The following RPRM variants were observed in gnomAD, a reference collection of about 807,000 sequenced individuals.
RPRM encodes the protein protein reprimo.
Under a neutral mutation model 5.2 loss-of-function variants are expected in RPRM, and 3 were observed. The observed-to-expected ratio is 0.58, with a 90% CI of 0.26 to 1.50. The LOEUF is 1.50. Among genes scored for constraint, RPRM ranks in the 40% most tolerant of loss-of-function variants. The probability of loss-of-function intolerance (pLI) is 0.13; values close to 1 mark genes in which losing one functional copy is unlikely to be tolerated. For synonymous variants in RPRM, 70 were observed against 69.9 expected (o/e 1.00, Z -0.01); for missense variants, 135 against 154.5 (o/e 0.87, Z 0.67).
At position 153,478,632 on chromosome 2, in the gene RPRM, A is replaced by T; in HGVS notation, c.-67T>A. 6.1e-6 allele frequency: 8 copies of T among 1,304,178 alleles called. No individual in the cohort carries two copies. The South Asian group carries it at 1.2e-4, about 20-fold the overall frequency. 80.8% of individuals were successfully genotyped at this position (1,304,178 alleles called of 1,614,324 possible). On this transcript the variant is annotated 5_prime_UTR_variant, in exon 1 of 1. Transcript: ENST00000325926. ...GGTGGGAAGGCGGCGGCGCTGGAGG[A>T]ACAGGTGCCGGGCTGAGCGCTCACT... is the stretch of plus-strand genomic sequence containing the variant.
At position 153,478,463 on chromosome 2, in the gene RPRM, C is replaced by G; in HGVS notation, c.103G>C (p.Val35Leu). Residue 35 changes from valine (V) to leucine (L), a missense_variant, in exon 1 of 1, where the codon GTG (valine) becomes CTG (leucine). Physicochemically the swap from Val to Leu is conservative, Grantham distance 32. Transcript: ENST00000325926. The stretch of plus-strand genomic sequence containing the variant: ...TCCGCGAAGCCGTCGTCGGTCACCA[C>G]GGACGCCTGGGTGCAGCAGCGCACG... ...RAVRCCTQAS[V>L]VTDDGFAEGG... is the part of the protein sequence containing the mutation. The G allele has an allele frequency of 1.9e-6, 3 of 1,613,670 alleles. No individual in the cohort carries two copies. The highest frequency in any genetic ancestry group is 2.5e-6 in the Non-Finnish European group (3 of 1,179,962).
rs777668554 is a variant in RPRM, at chr2:153,478,401, G to A, written c.165C>T (p.Arg55=). 58 of 1,614,052 alleles carry A rather than the reference G, an allele frequency of 3.6e-5. No homozygotes were observed. The highest frequency in any genetic ancestry group is 4.8e-5 in the Non-Finnish European group (57 of 1,180,024). The change falls in exon 1 of 1, where the codon CGC becomes CGT. Residue 55 remains arginine (R), a synonymous_variant. Coordinates refer to ENST00000325926, the MANE Select transcript of RPRM (RefSeq NM_019845.3). ...CGCACATGACCGCGATCTGCACCAC[G>A]CGCATTATGTACAGGCTACGCTCGT... ...GPDERSLYIM[R]VVQIAVMCVL... is the part of the protein sequence containing the mutation.
At position 153,478,013 on chromosome 2, in the gene RPRM, C is replaced by G. The variant is rs1407786202; in HGVS notation, c.*223G>C. 1 of 559,820 alleles carries G rather than the reference C, an allele frequency of 1.8e-6. No homozygotes were observed. Among genetic ancestry groups the G allele is most frequent in the African/African-American group, 1.9e-5 (1 of 52,768 alleles). 34.7% of individuals were successfully genotyped at this position (559,820 alleles called of 1,614,324 possible). A position where few individuals can be genotyped will look rare whatever the true frequency, so the allele number is the denominator to read the frequency against. ...CGCCCTAATCGCCCTCTTCTTGCCA[C>G]TTTCTGCTGAGTTCAGAGTCTGGGC... On this transcript the variant is annotated 3_prime_UTR_variant, in exon 1 of 1. Coordinates refer to ENST00000325926, the MANE Select transcript of RPRM (RefSeq NM_019845.3).
In RPRM at chr2:153,478,210, C is replaced by A. The variant is rs765542325; in HGVS notation, c.*26G>T. The stretch of plus-strand genomic sequence containing the variant: ...CTAGCAAAGTGGGCAGGCGTGGGAG[C>A]GGTTGCCGCGGGGGCAGAGGGCGGG... On this transcript the variant is annotated 3_prime_UTR_variant, in exon 1 of 1. Coordinates refer to ENST00000325926, the MANE Select transcript of RPRM (RefSeq NM_019845.3). 1 of 1,578,876 alleles carries A rather than the reference C, an allele frequency of 6.3e-7. No individual in the cohort carries two copies. Among genetic ancestry groups the A allele is most frequent in the Non-Finnish European group, 8.6e-7 (1 of 1,158,942 alleles).
chr2:153,478,426 T>A lies in RPRM; in HGVS notation c.140A>T (p.Asp47Val), dbSNP rs1684191681. The A allele has an allele frequency of 6.2e-7, 1 of 1,614,034 alleles. No homozygotes were observed. Among genetic ancestry groups the A allele is most frequent in the African/African-American group, 1.3e-5 (1 of 75,074 alleles). ...GCGCATTATGTACAGGCTACGCTCG[T>A]CCGGGCCTCCCTCCGCGAAGCCGTC... is the stretch of plus-strand genomic sequence containing the variant. ...TDDGFAEGGP[D>V]ERSLYIMRVV... is the part of the protein sequence containing the mutation. Residue 47 changes from aspartate to valine, a missense_variant, in exon 1 of 1, where the codon GAC becomes GTC. Asp to Val is a radical substitution (Grantham distance 152). Coordinates refer to ENST00000325926, the MANE Select transcript of RPRM (RefSeq NM_019845.3).
rs201295005 is a variant in RPRM, at chr2:153,478,276, G to T, written c.290C>A (p.Pro97Gln). 1 of 1,613,956 alleles carries T rather than the reference G, an allele frequency of 6.2e-7. No individual in the cohort carries two copies. Among genetic ancestry groups the T allele is most frequent in the South Asian group, 1.1e-5 (1 of 91,076 alleles). Residue 97 changes from proline (P) to glutamine (Q), a missense_variant, in exon 1 of 1, where the codon CCG becomes CAG. Pro to Gln is a moderately conservative substitution (Grantham distance 76). Coordinates refer to ENST00000325926, the MANE Select transcript of RPRM (RefSeq NM_019845.3). ...MINFLVKDRR[P>Q]SKEVEAVVVG... Reference sequence around the variant, plus strand: ...GACCACCGCCTCCACCTCCTTAGACGGCCTCCGGTCCTTCACGAGGAAGTT... The same window carrying T: ...GACCACCGCCTCCACCTCCTTAGACTGCCTCCGGTCCTTCACGAGGAAGTT...
rs930366547 is a variant in RPRM at position 153,478,712 on chromosome 2, G to A, written c.-147C>T. 5.9e-6 allele frequency: 4 copies of A among 683,718 alleles called. No homozygotes were observed. The highest frequency in any genetic ancestry group is 5.6e-5 in the African/African-American group (3 of 53,396). The allele number at this position is 683,718 out of a possible 1,614,324, so 42.4% of individuals were successfully genotyped here. On this transcript the variant is annotated 5_prime_UTR_variant, in exon 1 of 1. The change creates a new upstream start codon in the 5' untranslated region. Coordinates refer to ENST00000325926, the MANE Select transcript of RPRM (RefSeq NM_019845.3). ...CTCTGCTTTCGAAAGTCCCTGGGCC[G>A]TGGGAGTTTCCCAGGAGCCTCTCCG...
At position 153,478,200 on chromosome 2, in the gene RPRM, G is replaced by A; in HGVS notation, c.*36C>T. ...CACAGCCGGGCTAGCAAAGTGGGCA[G>A]GCGTGGGAGCGGTTGCCGCGGGGGC... On this transcript the variant is annotated 3_prime_UTR_variant, in exon 1 of 1. Transcript: ENST00000325926. 1.3e-6 allele frequency: 2 copies of A among 1,553,266 alleles called. No individual in the cohort carries two copies. The highest frequency in any genetic ancestry group is 1.8e-6 in the Non-Finnish European group (2 of 1,139,634).
rs1261828233 is a variant in RPRM, at chr2:153,478,598, G to A, written c.-33C>T. ...ACGGGCGGGCGCCGCGAGCGGCGCGGGTCCGAGGGGTGGGAAGGCGGCGGC... is the reference window on the plus strand; with the variant it reads ...ACGGGCGGGCGCCGCGAGCGGCGCGAGTCCGAGGGGTGGGAAGGCGGCGGC... On this transcript the variant is annotated 5_prime_UTR_variant, in exon 1 of 1. Transcript: ENST00000325926. 2.0e-6 allele frequency: 3 copies of A among 1,491,864 alleles called. No homozygotes were observed. The highest frequency in any genetic ancestry group is 1.4e-5 in the African/African-American group (1 of 71,034). The allele number at this position is 1,491,864 out of a possible 1,614,324, so 92.4% of individuals were successfully genotyped here. A position where few individuals can be genotyped will look rare whatever the true frequency, so the allele number is the denominator to read the frequency against.
Position 153,478,170 on chromosome 2 carries a change from AGG to A in RPRM, c.*64_*65del. The A allele has an allele frequency of 7.6e-7, 1 of 1,307,730 alleles. No individual in the cohort carries two copies. Among genetic ancestry groups the A allele is most frequent in the Non-Finnish European group, 1.1e-6 (1 of 937,096 alleles). 81.0% of individuals were successfully genotyped at this position (1,307,730 alleles called of 1,614,324 possible). On this transcript the variant is annotated 3_prime_UTR_variant, in exon 1 of 1. Coordinates refer to ENST00000325926, the MANE Select transcript of RPRM (RefSeq NM_019845.3). ...TTGCTTCGCCCAGTCTCTGATAGTG[AGG>A]GGCACAGCCGGGCTAGCAAAGTGGG...
chr2:153,478,173 G>C lies in RPRM; in HGVS notation c.*63C>G. ...CTTCGCCCAGTCTCTGATAGTGAGG[G>C]GCACAGCCGGGCTAGCAAAGTGGGC... On this transcript the variant is annotated 3_prime_UTR_variant, in exon 1 of 1. Coordinates refer to ENST00000325926, the MANE Select transcript of RPRM (RefSeq NM_019845.3). The C allele has an allele frequency of 7.4e-7, 1 of 1,342,298 alleles. No individual in the cohort carries two copies. The highest frequency in any genetic ancestry group is 1.4e-5 in the African/African-American group (1 of 69,490). The allele number at this position is 1,342,298 out of a possible 1,614,324, so 83.1% of individuals were successfully genotyped here. A position where few individuals can be genotyped will look rare whatever the true frequency, so the allele number is the denominator to read the frequency against.
chr2:153,478,245 C>A lies in RPRM; in HGVS notation c.321G>T (p.Gly107=). The A allele has an allele frequency of 6.2e-7, 1 of 1,611,460 alleles. No individual in the cohort carries two copies. The highest frequency in any genetic ancestry group is 8.5e-7 in the Non-Finnish European group (1 of 1,178,878). Residue 107 remains glycine, a synonymous_variant, in exon 1 of 1, where the codon GGG becomes GGT. Transcript: ENST00000325926. ...PSKEVEAVVV[G]PY ...GGGGGCAGAGGGCGGGTCAGTAGGG[C>A]CCCACGACCACCGCCTCCACCTCCT...
rs1313189266 is a variant in RPRM, at chr2:153,478,618, G to C, written c.-53C>G. On this transcript the variant is annotated 5_prime_UTR_variant, in exon 1 of 1. Transcript: ENST00000325926. ...GCGCGGGTCCGAGGGGTGGGAAGGC[G>C]GCGGCGCTGGAGGAACAGGTGCCGG... 4.2e-6 allele frequency: 6 copies of C among 1,415,288 alleles called. No individual in the cohort carries two copies. Among genetic ancestry groups the C allele is most frequent in the Non-Finnish European group, 5.7e-6 (6 of 1,059,450 alleles). The allele number at this position is 1,415,288 out of a possible 1,614,324, so 87.7% of individuals were successfully genotyped here.
chr2:153,478,309 C>T lies in RPRM; in HGVS notation c.257G>A (p.Gly86Asp). Residue 86 changes from glycine to aspartate, a missense_variant, in exon 1 of 1, where the codon GGC (glycine) becomes GAC (aspartate). Transcript: ENST00000325926. Reference protein sequence around the residue: ...LGCNLLIKSEGMINFLVKDRR... With the variant: ...LGCNLLIKSEDMINFLVKDRR... ...GTCCTTCACGAGGAAGTTGATCATG[C>T]CCTCGGACTTGATGAGCAGATTGCA... The T allele has an allele frequency of 1.2e-6, 2 of 1,614,134 alleles. No individual in the cohort carries two copies. Among genetic ancestry groups the T allele is most frequent in the Non-Finnish European group, 1.7e-6 (2 of 1,180,004 alleles).
At position 153,478,422 on chromosome 2, in the gene RPRM, C is replaced by T; in HGVS notation, c.144G>A (p.Glu48=). The T allele has an allele frequency of 6.2e-7, 1 of 1,614,094 alleles. No homozygotes were observed. The highest frequency in any genetic ancestry group is 8.5e-7 in the Non-Finnish European group (1 of 1,180,016). The part of the protein sequence containing the change: ...DDGFAEGGPD[E]RSLYIMRVVQ... ...CCACGCGCATTATGTACAGGCTACG[C>T]TCGTCCGGGCCTCCCTCCGCGAAGC... Residue 48 remains glutamate, a synonymous_variant, in exon 1 of 1, where the codon GAG becomes GAA. Coordinates refer to ENST00000325926, the MANE Select transcript of RPRM (RefSeq NM_019845.3).
Position 153,477,856 on chromosome 2 carries a change from A to C in RPRM, c.*380T>G, listed in dbSNP as rs922025736. The C allele has an allele frequency of 3.5e-5, 8 of 229,940 alleles. No individual in the cohort carries two copies. Among genetic ancestry groups the C allele is most frequent in the Non-Finnish European group, 5.9e-5 (7 of 117,888 alleles). 14.2% of individuals were successfully genotyped at this position (229,940 alleles called of 1,614,324 possible). A position where few individuals can be genotyped will look rare whatever the true frequency, so the allele number is the denominator to read the frequency against. On this transcript the variant is annotated 3_prime_UTR_variant, in exon 1 of 1. Transcript: ENST00000325926. ...TCACTCTTCCGGTCACAAGGCGATC[A>C]GTGCCGCTGGGTCTCTCCCCTGCCC...
rs940496846 is a variant in RPRM at position 153,478,614 on chromosome 2, A to G, written c.-49T>C. ...AGCGGCGCGGGTCCGAGGGGTGGGAAGGCGGCGGCGCTGGAGGAACAGGTG... is the reference window on the plus strand; with the variant it reads ...AGCGGCGCGGGTCCGAGGGGTGGGAGGGCGGCGGCGCTGGAGGAACAGGTG... On this transcript the variant is annotated 5_prime_UTR_variant, in exon 1 of 1. Coordinates refer to ENST00000325926, the MANE Select transcript of RPRM (RefSeq NM_019845.3). 3 of 1,439,898 alleles carry G rather than the reference A, an allele frequency of 2.1e-6. No homozygotes were observed. The highest frequency in any genetic ancestry group is 2.8e-5 in the South Asian group (2 of 70,380). 89.2% of individuals were successfully genotyped at this position (1,439,898 alleles called of 1,614,324 possible). A position where few individuals can be genotyped will look rare whatever the true frequency, so the allele number is the denominator to read the frequency against.
rs1684185769 is a variant in RPRM, at chr2:153,478,185, C to T, written c.*51G>A. The T allele has an allele frequency of 4.8e-6, 7 of 1,470,994 alleles. No individual in the cohort carries two copies. The highest frequency in any genetic ancestry group is 1.3e-5 in the South Asian group (1 of 79,408). The allele number at this position is 1,470,994 out of a possible 1,614,324, so 91.1% of individuals were successfully genotyped here. ...TCTGATAGTGAGGGGCACAGCCGGG[C>T]TAGCAAAGTGGGCAGGCGTGGGAGC... is the stretch of plus-strand genomic sequence containing the variant. On this transcript the variant is annotated 3_prime_UTR_variant, in exon 1 of 1. Transcript: ENST00000325926.
chr2:153,478,351 C>A lies in RPRM; in HGVS notation c.215G>T (p.Gly72Val). 6.2e-7 allele frequency: 1 copy of A among 1,614,158 alleles called. No homozygotes were observed. Among genetic ancestry groups the A allele is most frequent in the Non-Finnish European group, 8.5e-7 (1 of 1,180,024 alleles). The change falls in exon 1 of 1, where the codon GGC becomes GTC. Residue 72 changes from glycine to valine, a missense_variant. Transcript: ENST00000325926. ...MCVLSLTVVF[G>V]IFFLGCNLLI... The stretch of plus-strand genomic sequence containing the variant: ...CAGATTGCAGCCGAGGAAGAAGATG[C>A]CGAAGACCACGGTGAGTGAGAGCAC...
Sources: allele counts gnomAD v4.1 joint callset, GRCh38; gene constraint gnomAD v4.1.1; transcripts MANE v1.5; gene names NCBI Gene and HGNC (gene_info 2026-07-23, HGNC 2026-07-21).